The following PTPN5 variants were observed in gnomAD, a reference collection of about 807,000 sequenced individuals.
PTPN5 encodes the protein tyrosine-protein phosphatase non-receptor type 5.
In PTPN5, 29 loss-of-function variants were observed where a neutral mutation model predicts 73.9. The ratio of observed to expected loss-of-function variants is 0.39; its 90% CI spans 0.29 to 0.54. The LOEUF is 0.54. Among genes scored for constraint, PTPN5 ranks in the 20% least tolerant of loss-of-function variants. The pLI is 0.65. For missense variants in PTPN5, 652 were observed against 751.4 expected (o/e 0.87, Z 1.55); for synonymous variants, 267 against 304.7 (o/e 0.88, Z 1.29).
chr11:18,764,910 C>T (rs563823971), intron 3 of PTPN5, among the ~76,000 whole-genome samples: 2 of 152,182 alleles, frequency 1.3e-5, no homozygotes, highest in Admixed American at 6.5e-5. Flanking sequence ...GACGGAGTTT[C>T]ACCATGTTAG....
At chr11:18,776,430 G>A (rs991859918) in intron 1 of PTPN5, among the ~76,000 whole-genome samples, 8 of 152,124 alleles carry the variant, frequency 5.3e-5, no homozygotes, top group East Asian at 1.9e-4. Flanking sequence ...CCCTCCATAC[G>A]GTCATTATCT....
intron 2 of PTPN5, among the ~76,000 whole-genome samples, chr11:18,770,996 A>G (rs1055828077): frequency 4.6e-5 from 7 of 152,254 alleles, no homozygotes; most frequent in Admixed American, 4.6e-4. Flanking sequence ...ATGAAGTCCC[A>G]GCTTTGCCCA....
rs2134176263 is a variant in PTPN5 at position 18,728,050 on chromosome 11, T to G, written c.*884A>C. On this transcript the variant is annotated 3_prime_UTR_variant, in exon 15 of 15. Coordinates refer to ENST00000358540, the MANE Select transcript of PTPN5 (RefSeq NM_006906.2). The surrounding 1 kb of genome is among the most constrained non-coding windows in gnomAD (Gnocchi z 4.1). ...ATTTAAAGTCAGCAATAAAAACACG[T>G]GGCTCCAAGATAATACATGTTGCCA... 1 of 152,778 alleles carries G rather than the reference T, an allele frequency of 6.5e-6. No homozygotes were observed. Among genetic ancestry groups the G allele is most frequent in the Middle Eastern group, 3.4e-3 (1 of 294 alleles). 9.5% of individuals were successfully genotyped at this position (152,778 alleles called of 1,614,324 possible).
intron 3 of PTPN5, among the ~76,000 whole-genome samples, chr11:18,753,128 C>CAGAGGTCT (rs1191864397): frequency 6.6e-6 from 1 of 152,214 alleles, no homozygotes; most frequent in Non-Finnish European, 1.5e-5. Flanking sequence ...TAAATGCCCT[C>CAGAGGTCT]AGAGGTCTAG....
rs762055901 is a variant in PTPN5 at position 18,740,740 on chromosome 11, C to T, written c.778G>A (p.Glu260Lys). 10 of 1,597,956 alleles carry T rather than the reference C, an allele frequency of 6.3e-6. No homozygotes were observed. Among genetic ancestry groups the T allele is most frequent in the African/African-American group, 5.4e-5 (4 of 74,212 alleles). ...GACATGAGATAGCCAAAGCCCTCCT[C>T]GTTGCAGCCCGGAGTGCACATGTCC... ...TLDMCTPGCN[E>K]EGFGYLMSPR... Residue 260 changes from glutamate to lysine, a missense_variant, in exon 8 of 15, where the codon GAG becomes AAG. This residue lies in a region of PTPN5 where 529 missense variants were observed against 573.9 expected (regional missense o/e 0.92). Coordinates refer to ENST00000358540, the MANE Select transcript of PTPN5 (RefSeq NM_006906.2).
chr11:18,760,384 G>A (rs999169364), intron 3 of PTPN5, among the ~76,000 whole-genome samples: 1 of 152,188 alleles, frequency 6.6e-6, no homozygotes, highest in South Asian at 2.1e-4. Flanking sequence ...TTTAAAAAGT[G>A]GCACTCGGGA....
At chr11:18,750,828 G>T (rs945670711) in intron 3 of PTPN5, among the ~76,000 whole-genome samples, 1 of 152,172 alleles carries the variant, frequency 6.6e-6, no homozygotes, top group Non-Finnish European at 1.5e-5. Flanking sequence ...TGACTGGCCT[G>T]GGATCACATA....
chr11:18,778,660 T>C (rs1590613233), intron 1 of PTPN5, among the ~76,000 whole-genome samples: 1 of 152,192 alleles, frequency 6.6e-6, no homozygotes, highest in Non-Finnish European at 1.5e-5. Flanking sequence ...TTGCCTTCTA[T>C]CTGATTGTCA....
At chr11:18,755,164 G>A (rs1028050740) in intron 3 of PTPN5, among the ~76,000 whole-genome samples, 1 of 152,116 alleles carries the variant, frequency 6.6e-6, no homozygotes, top group Non-Finnish European at 1.5e-5. Context: ...GGAGTGGCTT[G>A]TGTGGCGAGG....
intron 9 of PTPN5, among the ~76,000 whole-genome samples, chr11:18,737,397 G>A (rs75119160): frequency 0.03 from 4,538 of 152,172 alleles, 232 homozygotes; most frequent in African/African-American, 0.1. Flanking sequence ...CCCTGTTAGA[G>A]GGCTTACAAT....
chr11:18,731,941 A>G (rs1848895786), intron 12 of PTPN5, among the ~76,000 whole-genome samples: 1 of 152,088 alleles, frequency 6.6e-6, no homozygotes, highest in South Asian at 2.1e-4. Flanking sequence ...TTTCTCACAA[A>G]CAGAATCCAC....
In PTPN5 at chr11:18,733,368, T is replaced by C. The variant is rs367543226; in HGVS notation, c.1085A>G (p.Tyr362Cys). 14 of 1,613,488 alleles carry C rather than the reference T, an allele frequency of 8.7e-6. No individual in the cohort carries two copies. The highest frequency in any genetic ancestry group is 2.2e-5 in the South Asian group (2 of 91,076). Residue 362 changes from tyrosine to cysteine, a missense_variant, in exon 11 of 15, where the codon TAT becomes TGT. Physicochemically the swap from Tyr to Cys is radical, Grantham distance 194 (BLOSUM62 -2). Transcript: ENST00000358540. This position sits in a 1 kb window ranked among gnomAD's most constrained non-coding sequence, Gnocchi z 4.3. ...SYINANYIRG[Y>C]GGEEKVYIAT... is the part of the protein sequence containing the mutation. ...GATGTACACCTTCTCCTCCCCACCA[T>C]AGCCCTGCGGCCAGCCAAGTCCAGG...
intron 1 of PTPN5, among the ~76,000 whole-genome samples, chr11:18,774,417 G>A (rs555104538): frequency 1.3e-5 from 2 of 152,290 alleles, no homozygotes; most frequent in Admixed American, 6.5e-5. Context: ...GCCCTCCCTC[G>A]CTGACAACAG....
intron 3 of PTPN5, among the ~76,000 whole-genome samples, chr11:18,759,183 GT>G (rs796789311): frequency 1.3e-5 from 2 of 151,904 alleles, no homozygotes; most frequent in Admixed American, 6.6e-5. Flanking sequence ...GGAAAAAAAG[GT>G]TTTTTTTCTG....
At chr11:18,743,621 A>C (rs1849477651) in intron 4 of PTPN5, 192 bp from the exon 5 acceptor site, 3 of 604,930 alleles carry the variant, frequency 5.0e-6, no homozygotes, top group Admixed American at 5.9e-5. Context: ...CTTGGAGAAA[A>C]GCTGACTGAA....
intron 1 of PTPN5, among the ~76,000 whole-genome samples, chr11:18,784,441 G>C (rs893232449): frequency 6.6e-5 from 10 of 152,116 alleles, no homozygotes; most frequent in African/African-American, 2.2e-4. Context: ...ACCTAGAATA[G>C]GTGAATTTAT....
chr11:18,791,130 CA>C, intron 1 of PTPN5, among the ~76,000 whole-genome samples: 2 of 152,318 alleles, frequency 1.3e-5, no homozygotes, highest in East Asian at 3.9e-4. Flanking sequence ...CTTTAGAGGC[CA>C]GAAGGCTAGC....
chr11:18,728,824 G>A lies in PTPN5; in HGVS notation c.*110C>T, dbSNP rs1848738109. 1 of 990,532 alleles carries A rather than the reference G, an allele frequency of 1.0e-6. No individual in the cohort carries two copies. The highest frequency in any genetic ancestry group is 1.6e-5 in the African/African-American group (1 of 61,386). 61.4% of individuals were successfully genotyped at this position (990,532 alleles called of 1,614,324 possible). Reference sequence around the variant, plus strand: ...AGGCTGACAGAGGACAGAGGGAGCTGACTGAAGGGGAGGAAGCGGGGAGCA... The same window carrying A: ...AGGCTGACAGAGGACAGAGGGAGCTAACTGAAGGGGAGGAAGCGGGGAGCA... On this transcript the variant is annotated 3_prime_UTR_variant, in exon 15 of 15. Coordinates refer to ENST00000358540, the MANE Select transcript of PTPN5 (RefSeq NM_006906.2). The surrounding 1 kb of genome is among the most constrained non-coding windows in gnomAD (Gnocchi z 4.1).
intron 2 of PTPN5, among the ~76,000 whole-genome samples, chr11:18,770,330 C>T (rs1204743514): frequency 6.6e-6 from 1 of 152,194 alleles, no homozygotes; most frequent in Non-Finnish European, 1.5e-5. Context: ...CTGGCAACGG[C>T]TTATTTGCTT....
Sources: gnomAD v4.1 joint callset for allele counts (sites outside exome capture counted in the v4.1 genomes callset) on GRCh38, gnomAD v4.1.1 for gene constraint, gnomAD v4.1.1 regional missense constraint, Gnocchi (gnomAD v3.1) non-coding constraint, MANE v1.5 for transcripts, NCBI Gene and HGNC (gene_info 2026-07-23, HGNC 2026-07-21) for gene names.